Variants in CDC14B observed in about 807,000 individuals in gnomAD.
The protein encoded by CDC14B is dual specificity protein phosphatase CDC14B.
In CDC14B, 22 loss-of-function variants were observed where a neutral mutation model predicts 64.2. That is an observed-to-expected ratio of 0.34 (90% CI 0.24 to 0.49). The LOEUF is 0.49. CDC14B is among the 20% of genes least tolerant of loss of function. The pLI is 0.99. For missense variants in CDC14B, 498 were observed against 629.9 expected (o/e 0.79, Z 2.24); for synonymous variants, 191 against 215.8 (o/e 0.89, Z 1.01).
At chr9:96,494,861 G>A (rs1744927058) in intron 13 of CDC14B, among the ~76,000 whole-genome samples, 1 of 145,528 alleles carries the variant, frequency 6.9e-6, no homozygotes, top group Non-Finnish European at 1.5e-5. Flanking sequence ...TTTTGTCGGA[G>A]TCTCGCTCTG....
chr9:96,581,537 AGAC>A (rs1845157701), intron 1 of CDC14B, among the ~76,000 whole-genome samples: 1 of 139,576 alleles, frequency 7.2e-6, no homozygotes, highest in Non-Finnish European at 1.5e-5. Flanking sequence ...AATTAAAAAA[AGAC>A]AACAGAAAAA....
At chr9:96,507,252 G>A (rs924486047) in intron 13 of CDC14B, among the ~76,000 whole-genome samples, 10 of 146,992 alleles carry the variant, frequency 6.8e-5, no homozygotes, top group Admixed American at 3.4e-4. Flanking sequence ...GGAAGACGAA[G>A]TTTGCAGTGA....
rs192983163 is a variant in CDC14B at position 96,566,111 on chromosome 9, C to T, written c.161-628G>A. Among the ~76,000 whole-genome samples the T allele has an allele frequency of 5.9e-5, 9 of 152,256 alleles. No individual in the cohort carries two copies. In the East Asian group the frequency reaches 1.7e-3, roughly 29 times the overall value. ...ATGGGTCTGAGATGAACTTGTGTTGCATAAATGCAGTTAGGCTGCTGTGAG... is the reference window on the plus strand; with the variant it reads ...ATGGGTCTGAGATGAACTTGTGTTGTATAAATGCAGTTAGGCTGCTGTGAG... On this transcript the variant is annotated intron_variant, in intron 1 of 13. Transcript: ENST00000375241.
intron 13 of CDC14B, among the ~76,000 whole-genome samples, chr9:96,504,587 T>C (rs1833878311): frequency 6.6e-6 from 1 of 152,186 alleles, no homozygotes; most frequent in African/African-American, 2.4e-5. Context: ...TATCTGGAAT[T>C]TCAAAGGATC....
chr9:96,496,660 C>T (rs1187023894), downstream of CDC14B, among the ~76,000 whole-genome samples: 1 of 152,242 alleles, frequency 6.6e-6, no homozygotes, highest in Admixed American at 6.5e-5. Context: ...AATCCAGGCG[C>T]AGGCAAGGGA....
At chr9:96,587,392 C>T (rs1217825407) in intron 1 of CDC14B, among the ~76,000 whole-genome samples, 4 of 152,164 alleles carry the variant, frequency 2.6e-5, no homozygotes, top group African/African-American at 2.4e-5. Context: ...TAGCCTCTGA[C>T]AAGGGGGATC....
intron 1 of CDC14B, among the ~76,000 whole-genome samples, chr9:96,584,046 C>T (rs1845328306): frequency 6.6e-6 from 1 of 152,102 alleles, no homozygotes; most frequent in African/African-American, 2.4e-5. Context: ...TGACTGGAAC[C>T]AACTATAAGC....
chr9:96,544,730 C>A (rs1191707558), intron 5 of CDC14B, among the ~76,000 whole-genome samples: 2 of 152,180 alleles, frequency 1.3e-5, no homozygotes, highest in African/African-American at 4.8e-5. Context: ...CTCCTGAGCT[C>A]AAGCACTCTG....
At chr9:96,510,064 A>T (rs1564199788) in intron 12 of CDC14B, among the ~76,000 whole-genome samples, 1 of 152,314 alleles carries the variant, frequency 6.6e-6, no homozygotes, top group South Asian at 2.1e-4. Flanking sequence ...TCCCACACCA[A>T]AGAAATCCAC....
intron 3 of CDC14B, among the ~76,000 whole-genome samples, chr9:96,563,636 G>A (rs185508169): frequency 1.1e-3 from 157 of 137,552 alleles, no homozygotes; most frequent in South Asian, 2.0e-3. Flanking sequence ...GGCAACAAGA[G>A]CGAAACTCTG....
At chr9:96,511,489 T>C (rs555836019) in intron 12 of CDC14B, among the ~76,000 whole-genome samples, 8 of 152,294 alleles carry the variant, frequency 5.3e-5, no homozygotes, top group African/African-American at 1.9e-4. Context: ...GAGAACTGCT[T>C]GAACCTGGGC....
At chr9:96,532,710 C>T (rs979785423) in intron 9 of CDC14B, among the ~76,000 whole-genome samples, 2 of 152,174 alleles carry the variant, frequency 1.3e-5, no homozygotes, top group African/African-American at 4.8e-5. Context: ...GCTTCACACG[C>T]ACTGATTCTT....
chr9:96,599,529 T>C (rs1361905465), intron 1 of CDC14B, among the ~76,000 whole-genome samples: 1 of 152,170 alleles, frequency 6.6e-6, no homozygotes, highest in Non-Finnish European at 1.5e-5. Context: ...AGAGAATCTG[T>C]TTAATGCAAT....
At chr9:96,526,293 G>A (rs540232996) in intron 9 of CDC14B, among the ~76,000 whole-genome samples, 15 of 152,122 alleles carry the variant, frequency 9.9e-5, no homozygotes, top group South Asian at 2.1e-4. Context: ...GCGTGAACCC[G>A]GGAGGCGGAG....
At chr9:96,602,743 T>A (rs1846580943) in intron 1 of CDC14B, among the ~76,000 whole-genome samples, 1 of 152,176 alleles carries the variant, frequency 6.6e-6, no homozygotes, top group South Asian at 2.1e-4. Flanking sequence ...CCAAACTATA[T>A]CACCACACAA....
chr9:96,559,581 A>G lies in CDC14B; in HGVS notation c.420+3112T>C, dbSNP rs75403607. Among the ~76,000 whole-genome samples, 953 of 152,274 alleles carry G rather than the reference A, an allele frequency of 6.3e-3. 9 individuals carry two copies. Among genetic ancestry groups the G allele is most frequent in the African/African-American group, 0.022 (913 of 41,544 alleles). ...TCAGGTGTCCATATTATATCTTGAC[A>G]CTGCTTTTCTACTATGAATACATTT... On this transcript the variant is annotated intron_variant, in intron 4 of 13. Coordinates refer to ENST00000375241, the MANE Select transcript of CDC14B (RefSeq NM_033331.4).
At chr9:96,607,992 G>T (rs1275687528) in intron 1 of CDC14B, among the ~76,000 whole-genome samples, 2 of 152,134 alleles carry the variant, frequency 1.3e-5, no homozygotes, top group African/African-American at 4.8e-5. Context: ...TCCTTTCCAA[G>T]GATCCCATTC....
Position 96,562,765 on chromosome 9 carries a change from C to G in CDC14B, c.348G>C (p.Lys116Asn). 1 of 1,606,536 alleles carries G rather than the reference C, an allele frequency of 6.2e-7. No individual in the cohort carries two copies. Among genetic ancestry groups the G allele is most frequent in the Non-Finnish European group, 8.5e-7 (1 of 1,173,244 alleles). The change falls in exon 4 of 14, where the codon AAG becomes AAC. Residue 116 changes from lysine to asparagine, a missense_variant. Physicochemically the swap from Lys to Asn is moderately conservative, Grantham distance 94. Transcript: ENST00000375241. ...KKLKSITMLR[K>N]KIVHFTGSDQ... Reference sequence around the variant, plus strand: ...CAGAGCCAGTAAAATGAACAATTTTCTTCCTTAACATTGTAATGGACTGCA... The same window carrying G: ...CAGAGCCAGTAAAATGAACAATTTTGTTCCTTAACATTGTAATGGACTGCA...
chr9:96,511,756 TCTC>T (rs1834936638), intron 12 of CDC14B, among the ~76,000 whole-genome samples: 1 of 152,168 alleles, frequency 6.6e-6, no homozygotes, highest in Non-Finnish European at 1.5e-5. Context: ...GTTCAGAAAT[TCTC>T]CTAGAGTGTG....
Sources: gnomAD v4.1 joint callset for allele counts (sites outside exome capture counted in the v4.1 genomes callset) on GRCh38, gnomAD v4.1.1 for gene constraint, MANE v1.5 for transcripts, NCBI Gene and HGNC (gene_info 2026-07-23, HGNC 2026-07-21) for gene names.